Variants in OPCML observed in about 807,000 individuals in gnomAD.
The protein encoded by OPCML is opioid-binding protein/cell adhesion molecule.
Under a neutral mutation model 37.8 loss-of-function variants are expected in OPCML, and 13 were observed. The ratio of observed to expected loss-of-function variants is 0.34; its 90% confidence interval spans 0.22 to 0.55. The LOEUF (loss-of-function observed/expected upper bound fraction) is 0.55, where lower values mean the gene tolerates loss of function less well. Ranked by LOEUF, OPCML falls within the 20% of genes least tolerant of loss-of-function variation. The probability of loss-of-function intolerance (pLI) is 0.91; values close to 1 mark genes in which losing one functional copy is unlikely to be tolerated. For missense variants in OPCML, 341 were observed against 435.6 expected (o/e 0.78, Z 1.93); for synonymous variants, 176 against 168.8 (o/e 1.04, Z -0.33).
intron 2 of OPCML, among the ~76,000 whole-genome samples, chr11:132,699,506 T>A (rs1201688634): frequency 6.6e-6 from 1 of 152,088 alleles, no homozygotes; most frequent in African/African-American, 2.4e-5. Context: ...GACTTTATAA[T>A]ATTGAGGCAC....
At position 133,343,482 on chromosome 11, in the gene OPCML, C is replaced by T. The variant is rs934522936; in HGVS notation, c.61+188782G>A. Among the ~76,000 whole-genome samples, 3 of 152,314 alleles carry T rather than the reference C, an allele frequency of 2.0e-5. No individual in the cohort carries two copies. The East Asian group carries it at 5.8e-4, about 29-fold the overall frequency. ...CCAAGCCTTATATTGCAATTTCCTTCTGCCTGAGATCAGAGATAGAACCAC... is the reference window on the plus strand; with the variant it reads ...CCAAGCCTTATATTGCAATTTCCTTTTGCCTGAGATCAGAGATAGAACCAC... On this transcript the variant is annotated intron_variant, in intron 1 of 7. Transcript: ENST00000524381.
intron 2 of OPCML, among the ~76,000 whole-genome samples, chr11:132,917,684 C>A (rs1280429727): frequency 1.3e-5 from 2 of 152,168 alleles, no homozygotes; most frequent in African/African-American, 4.8e-5. Flanking sequence ...CCAAGGTCAC[C>A]CTTCCCTGGT....
intron 1 of OPCML, among the ~76,000 whole-genome samples, chr11:133,073,769 T>C (rs956812512): frequency 6.6e-6 from 1 of 152,208 alleles, no homozygotes; most frequent in Non-Finnish European, 1.5e-5. Context: ...TATGAACAAA[T>C]GCAATGAATA....
chr11:133,004,538 T>G, intron 1 of OPCML: 3 of 985,426 alleles, frequency 3.0e-6, no homozygotes, highest in Non-Finnish European at 3.6e-6. Flanking sequence ...GCCATGCACC[T>G]CTTGGCCGTC....
chr11:133,356,597 C>T lies in OPCML; in HGVS notation c.61+175667G>A, dbSNP rs1944296609. ...TAACTTGAGCCAATTAAGCCCTGTA[C>T]TATCATTAATTGTTGAACTGGCACT... On this transcript the variant is annotated intron_variant, in intron 1 of 7. Coordinates refer to ENST00000524381, the MANE Select transcript of OPCML (RefSeq NM_001012393.5). Among the ~76,000 whole-genome samples the T allele has an allele frequency of 2.0e-5, 3 of 152,292 alleles. No homozygotes were observed. In the South Asian group the frequency reaches 6.2e-4, roughly 32 times the overall value.
intron 1 of OPCML, among the ~76,000 whole-genome samples, chr11:133,324,397 C>T (rs1243326970): frequency 6.6e-6 from 1 of 152,132 alleles, no homozygotes; most frequent in African/African-American, 2.4e-5. Context: ...AGCCATGCTG[C>T]CTCTGCTCAG....
chr11:133,213,902 A>G (rs1380829520), intron 1 of OPCML, among the ~76,000 whole-genome samples: 1 of 152,192 alleles, frequency 6.6e-6, no homozygotes, highest in Non-Finnish European at 1.5e-5. Flanking sequence ...GCGTGTCACT[A>G]TAATGTGATA....
intron 1 of OPCML, among the ~76,000 whole-genome samples, chr11:133,254,297 G>C (rs1287841363): frequency 6.6e-6 from 1 of 152,192 alleles, no homozygotes; most frequent in African/African-American, 2.4e-5. Context: ...TATGTGATGA[G>C]AGAGAGCAGG....
At chr11:133,490,276 G>C (rs929258386) in intron 1 of OPCML, among the ~76,000 whole-genome samples, 3 of 152,106 alleles carry the variant, frequency 2.0e-5, no homozygotes, top group African/African-American at 7.2e-5. Context: ...TTTCCATCCC[G>C]ACCTACATAT....
At chr11:132,603,843 T>C (rs1477070981) in intron 3 of OPCML, among the ~76,000 whole-genome samples, 1 of 152,232 alleles carries the variant, frequency 6.6e-6, no homozygotes, top group Non-Finnish European at 1.5e-5. Flanking sequence ...TTAACTCATT[T>C]ACATCCTGTA....
chr11:133,129,380 C>T (rs543488131), intron 1 of OPCML, among the ~76,000 whole-genome samples: 277 of 152,168 alleles, frequency 1.8e-3, no homozygotes, highest in Non-Finnish European at 2.9e-3. Context: ...TGTAATGCAC[C>T]GGATATTGGG....
intron 3 of OPCML, among the ~76,000 whole-genome samples, chr11:132,615,854 T>G (rs183466115): frequency 6.6e-6 from 1 of 152,124 alleles, no homozygotes; most frequent in Non-Finnish European, 1.5e-5. Flanking sequence ...AGGCAAAGTA[T>G]ATGTTTTAGG....
intron 3 of OPCML, among the ~76,000 whole-genome samples, chr11:132,619,419 T>C (rs1939257073): frequency 6.6e-6 from 1 of 152,128 alleles, no homozygotes; most frequent in Admixed American, 6.5e-5. Context: ...CAGTGCCTAG[T>C]GTATGGTAGG....
At chr11:133,400,163 G>A (rs1365091923) in intron 1 of OPCML, among the ~76,000 whole-genome samples, 1 of 152,110 alleles carries the variant, frequency 6.6e-6, no homozygotes, top group Non-Finnish European at 1.5e-5. Flanking sequence ...CCCAGCAGGA[G>A]GGAAATAATG....
intron 1 of OPCML, among the ~76,000 whole-genome samples, chr11:133,344,054 G>T (rs1404201861): frequency 2.0e-5 from 3 of 152,180 alleles, no homozygotes; most frequent in African/African-American, 7.2e-5. Context: ...CATTGACAAG[G>T]TGCGCTGCAG....
At chr11:132,832,051 A>T (rs1940720300) in intron 2 of OPCML, among the ~76,000 whole-genome samples, 1 of 151,830 alleles carries the variant, frequency 6.6e-6, no homozygotes, top group Non-Finnish European at 1.5e-5. Flanking sequence ...GCTGCATGAC[A>T]ACTCTGGTTC....
chr11:132,716,412 GTCTATCTA>G (rs61519269), intron 2 of OPCML, among the ~76,000 whole-genome samples: 31,887 of 103,854 alleles, frequency 0.31, 3,495 homozygotes, highest in Non-Finnish European at 0.34. Flanking sequence ...CTATCTGTCT[GTCTATCTA>G]TCTATCTATC....
intron 1 of OPCML, among the ~76,000 whole-genome samples, chr11:133,458,246 AC>A: frequency 1.0e-5 from 1 of 99,098 alleles, no homozygotes; most frequent in South Asian, 2.7e-4. Context: ...GTATATATAC[AC>A]ATATATATAC....
At chr11:132,756,117 C>T (rs763505563) in intron 2 of OPCML, among the ~76,000 whole-genome samples, 2 of 152,108 alleles carry the variant, frequency 1.3e-5, no homozygotes, top group Non-Finnish European at 2.9e-5. Context: ...AGGGTGGTGA[C>T]GGCTGTGCAG....
Sources: gnomAD v4.1 joint callset for allele counts (sites outside exome capture counted in the v4.1 genomes callset) on GRCh38, gnomAD v4.1.1 for gene constraint, MANE v1.5 for transcripts, NCBI Gene and HGNC (gene_info 2026-07-23, HGNC 2026-07-21) for gene names.